The following CSTPP1 variants were observed in gnomAD, a reference collection of about 807,000 sequenced individuals.
CSTPP1 encodes UPF0705 protein C11orf49.
the CSTPP1 span, among the ~76,000 whole-genome samples, chr11:47,098,564 G>T: frequency 6.7e-6 from 1 of 150,294 alleles, no homozygotes; most frequent in African/African-American, 2.5e-5. Flanking sequence ...GGAGTGCAGT[G>T]GCGGGATCTC....
chr11:47,084,883 G>C, the CSTPP1 span, among the ~76,000 whole-genome samples: 1 of 152,022 alleles, frequency 6.6e-6, no homozygotes, highest in Non-Finnish European at 1.5e-5. Context: ...GATGAGAATT[G>C]GATTGAAATT....
At chr11:47,088,799 G>A in the CSTPP1 span, among the ~76,000 whole-genome samples, 1 of 152,096 alleles carries the variant, frequency 6.6e-6, no homozygotes, top group African/African-American at 2.4e-5. Flanking sequence ...ACCTGCCTCG[G>A]CCTCCCAAAG....
At chr11:46,985,662 T>G in the CSTPP1 span, among the ~76,000 whole-genome samples, 3 of 152,220 alleles carry the variant, frequency 2.0e-5, no homozygotes, top group Non-Finnish European at 4.4e-5. Context: ...TGGCCTATGT[T>G]GTTTACTGAG....
chr11:47,097,148 T>TC, the CSTPP1 span, among the ~76,000 whole-genome samples: 1 of 101,902 alleles, frequency 9.8e-6, no homozygotes, highest in Admixed American at 1.1e-4. Flanking sequence ...GGGAGGGAGG[T>TC]GGGGGTGTCA....
At chr11:47,007,460 G>GT in the CSTPP1 span, among the ~76,000 whole-genome samples, 1 of 151,950 alleles carries the variant, frequency 6.6e-6, no homozygotes, top group African/African-American at 2.4e-5. Flanking sequence ...TCTAATTATT[G>GT]TATTTTTTTA....
At chr11:47,096,157 T>C in the CSTPP1 span, among the ~76,000 whole-genome samples, 146 of 152,348 alleles carry the variant, frequency 9.6e-4, 6 homozygotes, top group East Asian at 0.028. Context: ...GAAGAACCTT[T>C]TTCTGAATTT....
the CSTPP1 span, among the ~76,000 whole-genome samples, chr11:47,124,726 CT>C: frequency 2.0e-5 from 3 of 152,196 alleles, no homozygotes; most frequent in African/African-American, 7.2e-5. Flanking sequence ...TAAAACCAGA[CT>C]TTGTCTTTCA....
At chr11:47,023,516 T>A in the CSTPP1 span, 1 of 152,218 alleles carries the variant, frequency 6.6e-6, no homozygotes, top group Non-Finnish European at 1.5e-5. Flanking sequence ...ATTCACATTG[T>A]TCTGCAACCA....
chr11:47,028,411 G>A, the CSTPP1 span, among the ~76,000 whole-genome samples: 1 of 152,158 alleles, frequency 6.6e-6, no homozygotes, highest in African/African-American at 2.4e-5. Context: ...TCAGCATGTT[G>A]TAATTTTGAA....
chr11:46,966,342 A>G, the CSTPP1 span, among the ~76,000 whole-genome samples: 4 of 152,162 alleles, frequency 2.6e-5, no homozygotes, highest in South Asian at 2.1e-4. Flanking sequence ...CGCCTGGCCC[A>G]GAAAAGTCTT....
chr11:46,990,383 C>T, the CSTPP1 span, among the ~76,000 whole-genome samples: 1 of 152,268 alleles, frequency 6.6e-6, no homozygotes, highest in East Asian at 1.9e-4. Context: ...ATTTGCATTT[C>T]TCTGATGATG....
At chr11:47,007,317 C>T in the CSTPP1 span, among the ~76,000 whole-genome samples, 1 of 152,154 alleles carries the variant, frequency 6.6e-6, no homozygotes, top group Non-Finnish European at 1.5e-5. Context: ...AGTCATGAGC[C>T]ACCATGCCCA....
the CSTPP1 span, among the ~76,000 whole-genome samples, chr11:47,071,572 T>C: frequency 6.6e-6 from 1 of 152,234 alleles, no homozygotes; most frequent in Non-Finnish European, 1.5e-5. Context: ...TGGATCCCCA[T>C]TCTGAACCTT....
the CSTPP1 span, among the ~76,000 whole-genome samples, chr11:47,061,759 G>A: frequency 4.6e-5 from 7 of 151,926 alleles, no homozygotes; most frequent in African/African-American, 7.3e-5. Context: ...CCTAGCTCCC[G>A]TTTTGTTTAT....
chr11:47,053,541 C>T, the CSTPP1 span, among the ~76,000 whole-genome samples: 2 of 151,362 alleles, frequency 1.3e-5, no homozygotes, highest in African/African-American at 4.9e-5. Context: ...ATCGTTTGAA[C>T]CCTGGGGGAC....
At chr11:47,027,553 G>A in the CSTPP1 span, among the ~76,000 whole-genome samples, 1 of 152,128 alleles carries the variant, frequency 6.6e-6, no homozygotes, top group Non-Finnish European at 1.5e-5. Flanking sequence ...AAAAGCACTT[G>A]GTGAAGTGAT....
chr11:47,025,670 G>A, the CSTPP1 span, among the ~76,000 whole-genome samples: 1 of 152,094 alleles, frequency 6.6e-6, no homozygotes, highest in African/African-American at 2.4e-5. Context: ...CATAAAAATA[G>A]TGTTTAGTTT....
chr11:47,001,071 A>G, the CSTPP1 span, among the ~76,000 whole-genome samples: 2 of 152,242 alleles, frequency 1.3e-5, no homozygotes, highest in East Asian at 3.8e-4. Flanking sequence ...TTGAGAGCTC[A>G]TCCCATCAGA....
the CSTPP1 span, among the ~76,000 whole-genome samples, chr11:47,028,343 A>G: frequency 6.6e-6 from 1 of 152,178 alleles, no homozygotes; most frequent in African/African-American, 2.4e-5. Context: ...CGAATACATC[A>G]TATGTTAAAT....
Sources: gnomAD v4.1 joint callset for allele counts (sites outside exome capture counted in the v4.1 genomes callset) on GRCh38, gnomAD v4.1.1 for gene constraint, MANE v1.5 for transcripts, NCBI Gene and HGNC (gene_info 2026-07-23, HGNC 2026-07-21) for gene names.